PCDH9: variants seen among roughly 807,000 people sequenced by gnomAD.
PCDH9 encodes protocadherin 9, also known as protocadherin-9.
A neutral mutation model predicts 70.6 loss-of-function variants in PCDH9; 24 were observed. The ratio of observed to expected loss-of-function variants is 0.34; its 90% CI spans 0.25 to 0.48. PCDH9 has a LOEUF of 0.48. PCDH9 is among the 20% of genes least tolerant of loss of function. The pLI is 0.99. For synonymous variants in PCDH9, 562 were observed against 558.5 expected, an observed-to-expected ratio of 1.01 and a Z score of -0.09; for missense variants, 1,281 against 1,503.6, an observed-to-expected ratio of 0.85 and a Z score of 2.45.
At chr13:66,469,117 A>G (rs1271497206) in intron 4 of PCDH9, among the ~76,000 whole-genome samples, 1 of 152,160 alleles carries the variant, frequency 6.6e-6, no homozygotes, top group Non-Finnish European at 1.5e-5. Flanking sequence ...TCATACAATT[A>G]TCATTCTGAG....
chr13:67,032,477 G>T (rs17791050), intron 2 of PCDH9, among the ~76,000 whole-genome samples: 33,176 of 151,944 alleles, frequency 0.22, 3,953 homozygotes, highest in Admixed American at 0.27. Context: ...ATCACTCTTC[G>T]TAAGAACAAT....
rs181154924 is a variant in PCDH9 at position 66,891,297 on chromosome 13, T to C, written c.3138+12207A>G. Among the ~76,000 whole-genome samples the C allele has an allele frequency of 1.8e-3, 267 of 152,248 alleles. 6 individuals are homozygous for C. The highest frequency in any genetic ancestry group is 0.013 in the Admixed American group (205 of 15,260). The stretch of plus-strand genomic sequence containing the variant: ...TATCATATTATGTTCTCTAAATACA[T>C]TCAGAATCAAGATTGGGCTCACCAA... On this transcript the variant is annotated intron_variant, in intron 3 of 4. Transcript: ENST00000377865.
intron 2 of PCDH9, among the ~76,000 whole-genome samples, chr13:67,043,790 A>G (rs930911352): frequency 6.6e-6 from 1 of 152,178 alleles, no homozygotes; most frequent in Non-Finnish European, 1.5e-5. Flanking sequence ...TTTTGTGGCC[A>G]TAGGATGGCT....
chr13:66,594,143 A>T (rs1014622999), intron 4 of PCDH9, among the ~76,000 whole-genome samples: 3 of 151,814 alleles, frequency 2.0e-5, no homozygotes, highest in Non-Finnish European at 4.4e-5. Context: ...TTGAAGTCAG[A>T]ATAATATGAC....
intron 2 of PCDH9, among the ~76,000 whole-genome samples, chr13:67,096,150 T>A (rs2086314879): frequency 6.6e-6 from 1 of 152,140 alleles, no homozygotes; most frequent in African/African-American, 2.4e-5. Flanking sequence ...AATATCCACA[T>A]AGGTTAGCCC....
chr13:66,384,749 C>G (rs1956900909), intron 4 of PCDH9, among the ~76,000 whole-genome samples: 1 of 152,184 alleles, frequency 6.6e-6, no homozygotes, highest in Admixed American at 6.5e-5. Flanking sequence ...AATACAACCT[C>G]CACCTCTCGG....
At chr13:66,705,084 C>T (rs979773463) in intron 3 of PCDH9, among the ~76,000 whole-genome samples, 1 of 151,982 alleles carries the variant, frequency 6.6e-6, no homozygotes, top group Non-Finnish European at 1.5e-5. Flanking sequence ...AGCAGTTGTT[C>T]TTGAAATGGT....
chr13:66,816,878 G>A (rs1216161551), intron 3 of PCDH9, among the ~76,000 whole-genome samples: 3 of 151,454 alleles, frequency 2.0e-5, no homozygotes, highest in African/African-American at 7.3e-5. Context: ...GTAAGTGGTG[G>A]TGTGTTGATG....
At chr13:66,743,830 TAAAAACTTCTGTAAG>T (rs1204706028) in intron 3 of PCDH9, among the ~76,000 whole-genome samples, 4 of 152,104 alleles carry the variant, frequency 2.6e-5, no homozygotes, top group Non-Finnish European at 5.9e-5. Context: ...TATAAATTTT[TAAAAACTTCTGTAAG>T]AAAACAAAAC....
intron 3 of PCDH9, among the ~76,000 whole-genome samples, chr13:66,693,804 A>T (rs950087486): frequency 1.3e-5 from 2 of 152,202 alleles, no homozygotes; most frequent in Admixed American, 1.3e-4. Flanking sequence ...CACAAAGTGG[A>T]AGTGGTGGTT....
At chr13:66,908,724 C>A (rs548109923) in intron 2 of PCDH9, among the ~76,000 whole-genome samples, 1 of 151,874 alleles carries the variant, frequency 6.6e-6, no homozygotes, top group South Asian at 2.1e-4. Context: ...ATACTCACAG[C>A]CTTTTCTTTA....
chr13:66,758,896 C>A (rs2079578285), intron 3 of PCDH9, among the ~76,000 whole-genome samples: 1 of 151,814 alleles, frequency 6.6e-6, no homozygotes, highest in African/African-American at 2.4e-5. Flanking sequence ...TTTGCTTATC[C>A]AATTTGTTGG....
intron 2 of PCDH9, among the ~76,000 whole-genome samples, chr13:67,001,113 C>A (rs370617618): frequency 6.6e-6 from 1 of 152,142 alleles, no homozygotes; most frequent in Non-Finnish European, 1.5e-5. Flanking sequence ...AAGTTCGATA[C>A]AGAAGTAAGT....
intron 3 of PCDH9, among the ~76,000 whole-genome samples, chr13:66,829,717 C>CAAAAAAAA (rs562176354): frequency 0.053 from 2,793 of 53,038 alleles, 668 homozygotes; most frequent in South Asian, 0.07. Context: ...GACTCCGTCT[C>CAAAAAAAA]AAAAAAAAAA....
chr13:66,925,654 C>A (rs1350940513), intron 2 of PCDH9, among the ~76,000 whole-genome samples: 1 of 151,810 alleles, frequency 6.6e-6, no homozygotes, highest in Non-Finnish European at 1.5e-5. Context: ...TTAAATGCCT[C>A]TTTCTAAATA....
chr13:67,051,173 C>T (rs911256944), intron 2 of PCDH9, among the ~76,000 whole-genome samples: 1 of 152,034 alleles, frequency 6.6e-6, no homozygotes, highest in African/African-American at 2.4e-5. Flanking sequence ...AGTGAAAACA[C>T]CTATTACAGT....
At chr13:66,530,186 T>C (rs1048387368) in intron 4 of PCDH9, among the ~76,000 whole-genome samples, 6 of 152,102 alleles carry the variant, frequency 3.9e-5, no homozygotes, top group African/African-American at 1.4e-4. Context: ...TGATATGACC[T>C]AGGGTTCTGA....
intron 2 of PCDH9, among the ~76,000 whole-genome samples, chr13:67,055,797 C>T (rs1431225412): frequency 1.3e-5 from 2 of 151,322 alleles, no homozygotes; most frequent in Non-Finnish European, 2.9e-5. Flanking sequence ...ACCTTGTATC[C>T]AAAAAAAACC....
At chr13:66,969,415 T>C (rs149875726) in intron 2 of PCDH9, among the ~76,000 whole-genome samples, 450 of 152,172 alleles carry the variant, frequency 3.0e-3, no homozygotes, top group African/African-American at 9.8e-3. Flanking sequence ...CAGCAGCTTA[T>C]ATACTAATAA....
Sources: gnomAD v4.1 joint callset for allele counts (sites outside exome capture counted in the v4.1 genomes callset) on GRCh38, gnomAD v4.1.1 for gene constraint, MANE v1.5 for transcripts, NCBI Gene and HGNC (gene_info 2026-07-23, HGNC 2026-07-21) for gene names.